SP1: variants seen among roughly 807,000 people sequenced by gnomAD.
SP1 encodes Sp1 transcription factor, also known as transcription factor Sp1.
In SP1, 6 loss-of-function variants were observed where a neutral mutation model predicts 66.3. The ratio of observed to expected loss-of-function variants is 0.09; its 90% CI spans 0.05 to 0.18. The LOEUF (loss-of-function observed/expected upper bound fraction) is 0.18. SP1 is among the 10% of genes least tolerant of loss of function. The pLI is 1.00. For synonymous variants in SP1, 417 were observed against 360.8 expected, an observed-to-expected ratio of 1.16 and a Z score of -1.77; for missense variants, 848 against 964.5, an observed-to-expected ratio of 0.88 and a Z score of 1.60.
chr12:53,416,238 C>G lies in SP1; in HGVS notation c.*4998C>G, dbSNP rs1465652997. ...TCTTGTTCTTCCCCCTCACCCCCCACTCTTAGGTATGTATGATGCTAATCT... is the reference window on the plus strand; with the variant it reads ...TCTTGTTCTTCCCCCTCACCCCCCAGTCTTAGGTATGTATGATGCTAATCT... On this transcript the variant is annotated 3_prime_UTR_variant, in exon 6 of 6. Coordinates refer to ENST00000327443, the MANE Select transcript of SP1 (RefSeq NM_138473.3). 6.5e-6 allele frequency: 1 copy of G among 153,018 alleles called. No homozygotes were observed. Among genetic ancestry groups the G allele is most frequent in the African/African-American group, 2.4e-5 (1 of 41,418 alleles). 9.5% of individuals were successfully genotyped at this position (153,018 alleles called of 1,614,324 possible).
rs571064430 is a variant in SP1 at position 53,406,320 on chromosome 12, C to T, written c.1676-265C>T. On this transcript the variant is annotated intron_variant, in intron 3 of 5. Transcript: ENST00000327443. ...CTGACCTCAGGTGATCCGCCCACCT[C>T]GGCCTCCCAAAGTGATGGAATTACA... is the stretch of plus-strand genomic sequence containing the variant. 9.2e-5 allele frequency among the ~76,000 whole-genome samples: 14 copies of T among 152,102 alleles called. No homozygotes were observed. In the South Asian group the frequency reaches 2.3e-3, roughly 25 times the overall value.
At position 53,382,921 on chromosome 12, in the gene SP1, A is replaced by G. The variant is rs1448029279; in HGVS notation, c.974A>G (p.Asn325Ser). 3 of 1,614,018 alleles carry G rather than the reference A, an allele frequency of 1.9e-6. No homozygotes were observed. The highest frequency in any genetic ancestry group is 2.5e-6 in the Non-Finnish European group (3 of 1,180,032). ...ASSSSFFTNA[N>S]SYSTTTTTSN... Reference sequence around the variant, plus strand: ...TCCAGCTCCTTTTTCACCAATGCCAATAGCTACTCAACTACTACTACCACC... The same window carrying G: ...TCCAGCTCCTTTTTCACCAATGCCAGTAGCTACTCAACTACTACTACCACC... The change falls in exon 3 of 6, where the codon AAT (asparagine) becomes AGT (serine). Residue 325 changes from asparagine (N) to serine (S), a missense_variant. This residue lies in a region of SP1 where 606 missense variants were observed against 589.9 expected (regional missense o/e 1.03). Coordinates refer to ENST00000327443, the MANE Select transcript of SP1 (RefSeq NM_138473.3).
intron 3 of SP1, among the ~76,000 whole-genome samples, chr12:53,402,468 C>T (rs747507549): frequency 5.3e-5 from 8 of 151,918 alleles, no homozygotes; most frequent in Non-Finnish European, 7.4e-5. Context: ...ATGATCCACC[C>T]GCCTCGGCCT....
intron 3 of SP1, among the ~76,000 whole-genome samples, chr12:53,396,524 T>C (rs949777373): frequency 6.8e-6 from 1 of 148,042 alleles, no homozygotes. Flanking sequence ...GCCGAGATCA[T>C]GCCACTGCAC....
intron 5 of SP1, among the ~76,000 whole-genome samples, chr12:53,409,921 A>G (rs747029346): frequency 3.9e-5 from 6 of 152,160 alleles, no homozygotes; most frequent in Admixed American, 6.5e-5. Context: ...GAGGCAGGAG[A>G]GTGGCATGAA....
In SP1 at chr12:53,383,294, C is replaced by G. The variant is rs771042084; in HGVS notation, c.1347C>G (p.Ile449Met). 3.1e-6 allele frequency: 5 copies of G among 1,614,240 alleles called. No individual in the cohort carries two copies. The Admixed American group carries it at 8.3e-5, about 27-fold the overall frequency. ...QLQAVPNSGP[I>M]IIRTPTVGPN... ...AGGCTGTTCCAAACTCTGGTCCCAT[C>G]ATCATCCGGACACCAACAGTGGGGC... Residue 449 changes from isoleucine to methionine, a missense_variant, in exon 3 of 6, where the codon ATC becomes ATG. This residue lies in a region of SP1 where 606 missense variants were observed against 589.9 expected (regional missense o/e 1.03). Coordinates refer to ENST00000327443, the MANE Select transcript of SP1 (RefSeq NM_138473.3).
rs760735916 is a variant in SP1, at chr12:53,381,840, G to C, written c.162+27G>C. On this transcript the variant is annotated intron_variant, in intron 2 of 5. Coordinates refer to ENST00000327443, the MANE Select transcript of SP1 (RefSeq NM_138473.3). ...TAAGTGATAATCATAGAGTGGGGAA[G>C]GTGTTGAGAAGATGTAAATATTCTT... 16 of 1,595,652 alleles carry C rather than the reference G, an allele frequency of 1.0e-5. No homozygotes were observed. The Admixed American group carries it at 1.1e-4, about 11-fold the overall frequency.
rs1189538002 is a variant in SP1 at position 53,382,566 on chromosome 12, A to C, written c.619A>C (p.Ile207Leu). 9 of 1,614,168 alleles carry C rather than the reference A, an allele frequency of 5.6e-6. No individual in the cohort carries two copies. Among genetic ancestry groups the C allele is most frequent in the Non-Finnish European group, 6.8e-6 (8 of 1,180,022 alleles). The change falls in exon 3 of 6, where the codon ATA becomes CTA. Residue 207 changes from isoleucine (I) to leucine (L), a missense_variant. Transcript: ENST00000327443. ...GGATGGTTCTGGTCAAATACAGATC[A>C]TACCAGGTGCAAACCAACAGATTAT... is the stretch of plus-strand genomic sequence containing the variant. ...QQDGSGQIQI[I>L]PGANQQIITN...
intron 3 of SP1, among the ~76,000 whole-genome samples, chr12:53,392,575 T>G (rs1186176439): frequency 1.3e-5 from 2 of 151,558 alleles, no homozygotes; most frequent in African/African-American, 4.9e-5. Flanking sequence ...GCCGGGATGG[T>G]CTCGATCTCC....
At chr12:53,390,499 A>G (rs142737532) in intron 3 of SP1, among the ~76,000 whole-genome samples, 537 of 152,278 alleles carry the variant, frequency 3.5e-3, no homozygotes, top group Admixed American at 7.4e-3. Flanking sequence ...CCTGGACAAC[A>G]TGGTGAAACC....
intron 3 of SP1, among the ~76,000 whole-genome samples, chr12:53,399,383 G>T (rs1383216257): frequency 6.6e-6 from 1 of 152,016 alleles, no homozygotes; most frequent in East Asian, 1.9e-4. Flanking sequence ...GCCCAGGCTG[G>T]AGTGCAGTGG....
chr12:53,388,824 A>G (rs1346348752), intron 3 of SP1, among the ~76,000 whole-genome samples: 1 of 151,954 alleles, frequency 6.6e-6, no homozygotes, highest in Non-Finnish European at 1.5e-5. Context: ...TACAAAAAAT[A>G]TGAAAATTAC....
chr12:53,397,203 A>T (rs1004883532), intron 3 of SP1, among the ~76,000 whole-genome samples: 15 of 151,540 alleles, frequency 9.9e-5, no homozygotes, highest in African/African-American at 2.4e-5. Context: ...TAGAGAGGAG[A>T]CTTCAGCTTT....
intron 3 of SP1, among the ~76,000 whole-genome samples, chr12:53,400,575 C>G (rs1275714096): frequency 6.6e-6 from 1 of 151,872 alleles, no homozygotes; most frequent in Non-Finnish European, 1.5e-5. Flanking sequence ...GAGTTCGAGT[C>G]TGTATCTTTG....
At chr12:53,402,941 C>G (rs569859074) in intron 3 of SP1, among the ~76,000 whole-genome samples, 1 of 151,292 alleles carries the variant, frequency 6.6e-6, no homozygotes, top group African/African-American at 2.4e-5. Context: ...CCACTGCACT[C>G]CAGCCTGGGC....
rs1334444404 is a variant in SP1 at position 53,413,105 on chromosome 12, C to T, written c.*1865C>T. 1 of 152,592 alleles carries T rather than the reference C, an allele frequency of 6.6e-6. No individual in the cohort carries two copies. The highest frequency in any genetic ancestry group is 1.5e-5 in the Non-Finnish European group (1 of 68,032). 9.5% of individuals were successfully genotyped at this position (152,592 alleles called of 1,614,324 possible). A position where few individuals can be genotyped will look rare whatever the true frequency, so the allele number is the denominator to read the frequency against. On this transcript the variant is annotated 3_prime_UTR_variant, in exon 6 of 6. Transcript: ENST00000327443. The stretch of plus-strand genomic sequence containing the variant: ...GTGTGTTCATGCCCGTATATGTCTA[C>T]ACACAGATGACAAATTATATTTGAA...
At chr12:53,383,734 A>G in intron 3 of SP1, 112 bp downstream of exon 3, 1 of 855,832 alleles carries the variant, frequency 1.2e-6, no homozygotes, top group Non-Finnish European at 1.8e-6. Flanking sequence ...CTTGAGGGTT[A>G]GTCATTTAGG....
At position 53,414,922 on chromosome 12, in the gene SP1, A is replaced by G. The variant is rs1231598697; in HGVS notation, c.*3682A>G. ...TTGGAGATCAGGTACCAAGGAAATA[A>G]GGACAGTCTAGCTGCCTCAAGTGAG... is the stretch of plus-strand genomic sequence containing the variant. On this transcript the variant is annotated 3_prime_UTR_variant, in exon 6 of 6. Coordinates refer to ENST00000327443, the MANE Select transcript of SP1 (RefSeq NM_138473.3). 1 of 152,588 alleles carries G rather than the reference A, an allele frequency of 6.6e-6. No individual in the cohort carries two copies. The highest frequency in any genetic ancestry group is 1.5e-5 in the Non-Finnish European group (1 of 68,042). The allele number at this position is 152,588 out of a possible 1,614,324, so 9.5% of individuals were successfully genotyped here. A position where few individuals can be genotyped will look rare whatever the true frequency, so the allele number is the denominator to read the frequency against.
intron 3 of SP1, among the ~76,000 whole-genome samples, chr12:53,392,968 G>A (rs1294795948): frequency 3.3e-5 from 5 of 152,102 alleles, no homozygotes; most frequent in Admixed American, 1.3e-4. Flanking sequence ...GGGATTACAG[G>A]TGGCCCGCCA....
Sources: gnomAD v4.1 joint callset for allele counts (sites outside exome capture counted in the v4.1 genomes callset) on GRCh38, gnomAD v4.1.1 for gene constraint, gnomAD v4.1.1 regional missense constraint, MANE v1.5 for transcripts, NCBI Gene and HGNC (gene_info 2026-07-23, HGNC 2026-07-21) for gene names.